LIMA1: variants seen among roughly 807,000 people sequenced by gnomAD.
The protein encoded by LIMA1 is LIM domain and actin binding 1, also known as LIM domain and actin-binding protein 1.
In LIMA1, 52 loss-of-function variants were observed where a neutral mutation model predicts 62.6. The observed-to-expected ratio is 0.83, with a 90% CI of 0.67 to 1.05. LIMA1 has a LOEUF of 1.05. Ranked by LOEUF, LIMA1 falls within the 50% of genes least tolerant of loss-of-function variation. LIMA1 has a pLI of 0.00. For missense variants in LIMA1, 780 were observed against 902.2 expected (o/e 0.86, Z 1.74); for synonymous variants, 302 against 317.8 (o/e 0.95, Z 0.53).
chr12:50,190,140 C>T (rs1940723001), intron 9 of LIMA1: 1 of 151,036 alleles, frequency 6.6e-6, no homozygotes, highest in Non-Finnish European at 1.5e-5. Context: ...GCCTCAGCCT[C>T]CCAAGTAGCT....
intron 2 of LIMA1, among the ~76,000 whole-genome samples, chr12:50,234,833 G>A (rs540499430): frequency 6.6e-6 from 1 of 152,206 alleles, no homozygotes; most frequent in East Asian, 1.9e-4. Flanking sequence ...GCGCAACACA[G>A]TAAAACCCTG....
chr12:50,283,025 G>T (rs1343557953), intron 1 of LIMA1, among the ~76,000 whole-genome samples: 1 of 152,126 alleles, frequency 6.6e-6, no homozygotes, highest in African/African-American at 2.4e-5. Flanking sequence ...CGAAAAGAGA[G>T]GGAATGGCTG....
chr12:50,204,515 GGAAT>G (rs762474052), intron 6 of LIMA1, 33 bp downstream of exon 6: 159 of 1,586,846 alleles, frequency 1.0e-4, no homozygotes, highest in South Asian at 1.9e-4. Flanking sequence ...GCTGGATGAT[GGAAT>G]GAATGAATGA....
chr12:50,272,722 T>A (rs887488581), intron 1 of LIMA1, among the ~76,000 whole-genome samples: 1 of 151,932 alleles, frequency 6.6e-6, no homozygotes, highest in Admixed American at 6.6e-5. Context: ...ATTTGGCTAC[T>A]TATCTGGACC....
At chr12:50,270,001 G>A (rs1377972919) in intron 1 of LIMA1, among the ~76,000 whole-genome samples, 1 of 144,088 alleles carries the variant, frequency 6.9e-6, no homozygotes, top group Non-Finnish European at 1.5e-5. Context: ...CTGGGAGGCC[G>A]AGGTGGGCGG....
At chr12:50,228,314 T>C (rs1941562820) in intron 3 of LIMA1, among the ~76,000 whole-genome samples, 1 of 152,146 alleles carries the variant, frequency 6.6e-6, no homozygotes, top group Non-Finnish European at 1.5e-5. Context: ...TGGGGTCAAC[T>C]TCTCTTAACC....
At chr12:50,203,528 C>G (rs1302775860) in intron 6 of LIMA1, among the ~76,000 whole-genome samples, 1 of 152,050 alleles carries the variant, frequency 6.6e-6, no homozygotes, top group Non-Finnish European at 1.5e-5. Flanking sequence ...ATTCTCCTGC[C>G]TCAGCCTCCC....
chr12:50,185,310 G>A, intron 9 of LIMA1: 1 of 453,780 alleles, frequency 2.2e-6, no homozygotes, highest in Non-Finnish European at 4.4e-6. Context: ...CGGAGGGGAG[G>A]CACACACTGT....
rs765965082 is a variant in LIMA1, at chr12:50,192,480, G to A, written c.1112C>T (p.Ser371Phe). 1 of 1,613,874 alleles carries A rather than the reference G, an allele frequency of 6.2e-7. No homozygotes were observed. Among genetic ancestry groups the A allele is most frequent in the Admixed American group, 1.7e-5 (1 of 60,014 alleles). The stretch of plus-strand genomic sequence containing the variant: ...CATTGCTTTGGGAGGAGAACTTTCA[G>A]AAAGACTGGAGGCTCTGGAATCTGG... ...LSPDSRASSL[S>F]ESSPPKAMKK... Residue 371 changes from serine (S) to phenylalanine (F), a missense_variant, in exon 9 of 11, where the codon TCT (serine) becomes TTT (phenylalanine). Coordinates refer to ENST00000341247, the MANE Select transcript of LIMA1 (RefSeq NM_016357.5).
intron 4 of LIMA1, among the ~76,000 whole-genome samples, chr12:50,213,314 CAA>C (rs2138521025): frequency 6.6e-6 from 1 of 152,286 alleles, no homozygotes; most frequent in South Asian, 2.1e-4. Context: ...CCTTAGATTT[CAA>C]AGATATGTAG....
At chr12:50,225,160 C>T (rs2138567401) in intron 3 of LIMA1, among the ~76,000 whole-genome samples, 1 of 152,212 alleles carries the variant, frequency 6.6e-6, no homozygotes, top group East Asian at 1.9e-4. Flanking sequence ...CCTCGGCCTC[C>T]CAAAGTGCTG....
intron 4 of LIMA1, among the ~76,000 whole-genome samples, chr12:50,215,415 T>C (rs1440127616): frequency 6.6e-6 from 1 of 152,146 alleles, no homozygotes; most frequent in Non-Finnish European, 1.5e-5. Context: ...GGAAACTTCC[T>C]TTGTTATTTT....
In LIMA1 at chr12:50,198,530, G is replaced by C. The variant is rs557932938; in HGVS notation, c.972+2247C>G. On this transcript the variant is annotated intron_variant, in intron 7 of 10. Transcript: ENST00000341247. Reference sequence around the variant, plus strand: ...GATCACACTACTACACTCCAGCCTGGGTGACAGAGCAAGACCTCATCTCTA... The same window carrying C: ...GATCACACTACTACACTCCAGCCTGCGTGACAGAGCAAGACCTCATCTCTA... 8.5e-5 allele frequency among the ~76,000 whole-genome samples: 13 copies of C among 152,180 alleles called. No homozygotes were observed. In the East Asian group the frequency reaches 2.3e-3, roughly 27 times the overall value.
intron 7 of LIMA1, among the ~76,000 whole-genome samples, chr12:50,200,209 T>C (rs1249005331): frequency 4.1e-5 from 6 of 144,706 alleles, no homozygotes; most frequent in Admixed American, 6.9e-5. Context: ...TAGATTTTTA[T>C]TTTATTTATT....
intron 4 of LIMA1, among the ~76,000 whole-genome samples, chr12:50,207,115 G>C (rs1213189903): frequency 6.6e-6 from 1 of 152,142 alleles, no homozygotes; most frequent in Non-Finnish European, 1.5e-5. Context: ...AGTAGAGACA[G>C]GGTTTCACCA....
At chr12:50,272,776 G>A (rs1365407665) in intron 1 of LIMA1, among the ~76,000 whole-genome samples, 1 of 151,582 alleles carries the variant, frequency 6.6e-6, no homozygotes, top group Admixed American at 6.6e-5. Context: ...GGCCGGGCGT[G>A]GTGGTTCACC....
chr12:50,207,300 G>C (rs1304202033), intron 4 of LIMA1, among the ~76,000 whole-genome samples: 1 of 152,114 alleles, frequency 6.6e-6, no homozygotes, highest in Non-Finnish European at 1.5e-5. Context: ...ATCTAAGGTA[G>C]ATCTTTAATG....
chr12:50,244,255 C>T (rs919527125), intron 2 of LIMA1, among the ~76,000 whole-genome samples: 3 of 152,186 alleles, frequency 2.0e-5, no homozygotes, highest in Non-Finnish European at 2.9e-5. Context: ...AGGCATGGGC[C>T]ACGATGCCCA....
Position 50,177,468 on chromosome 12 carries a change from C to A in LIMA1, c.1876G>T (p.Val626Leu). 6.2e-7 allele frequency: 1 copy of A among 1,614,096 alleles called. No individual in the cohort carries two copies. Among genetic ancestry groups the A allele is most frequent in the Non-Finnish European group, 8.5e-7 (1 of 1,180,038 alleles). ...WSMSEQSEES[V>L]GGRVAERKQV... is the part of the protein sequence containing the mutation. The stretch of plus-strand genomic sequence containing the variant: ...TTCCTTTCTGCAACTCTTCCACCCA[C>A]AGACTCTTCACTCTGCTCTGACATG... Residue 626 changes from valine to leucine, a missense_variant, in exon 11 of 11, where the codon GTG becomes TTG. Val to Leu is a conservative substitution (Grantham distance 32). Transcript: ENST00000341247.
Sources: allele counts gnomAD v4.1 joint callset (sites outside exome capture counted in the v4.1 genomes callset), GRCh38; gene constraint gnomAD v4.1.1; transcripts MANE v1.5; gene names NCBI Gene and HGNC (gene_info 2026-07-23, HGNC 2026-07-21).